EVI5: variants seen among roughly 807,000 people sequenced by gnomAD.
EVI5 encodes the protein ecotropic viral integration site 5, also known as ecotropic viral integration site 5 protein homolog.
A neutral mutation model predicts 112.0 loss-of-function variants in EVI5; 73 were observed. The ratio of observed to expected loss-of-function variants is 0.65; its 90% CI spans 0.54 to 0.79. The LOEUF (loss-of-function observed/expected upper bound fraction) is 0.79. Ranked by LOEUF, EVI5 falls within the 30% of genes least tolerant of loss-of-function variation. EVI5 has a pLI of 0.00. For synonymous variants in EVI5, 305 were observed against 319.9 expected, an observed-to-expected ratio of 0.95 and a Z score of 0.50; for missense variants, 900 against 968.8, an observed-to-expected ratio of 0.93 and a Z score of 0.94.
At chr1:92,769,624 G>A (rs772625767) in intron 1 of EVI5, among the ~76,000 whole-genome samples, 1 of 152,148 alleles carries the variant, frequency 6.6e-6, no homozygotes. Flanking sequence ...GGTGGCTCAC[G>A]CCTGTAATCC....
chr1:92,616,330 G>A (rs962862326), intron 16 of EVI5, among the ~76,000 whole-genome samples: 5 of 152,138 alleles, frequency 3.3e-5, no homozygotes, highest in South Asian at 2.1e-4. Context: ...GGTGGGAACC[G>A]CAGTTACTCA....
intron 2 of EVI5, among the ~76,000 whole-genome samples, chr1:92,706,367 A>T (rs12749786): frequency 0.2 from 30,421 of 152,144 alleles, 3,551 homozygotes; most frequent in Non-Finnish European, 0.26. Context: ...TTTCCACATG[A>T]TTCTAAACCC....
At chr1:92,758,903 G>A (rs979561561) in intron 1 of EVI5, among the ~76,000 whole-genome samples, 1 of 152,000 alleles carries the variant, frequency 6.6e-6, no homozygotes, top group African/African-American at 2.4e-5. Flanking sequence ...CTAGACAGCA[G>A]CCTAAAGAAG....
chr1:92,518,649 A>T (rs1660367017), intron 19 of EVI5, among the ~76,000 whole-genome samples: 2 of 70,594 alleles, frequency 2.8e-5, no homozygotes, highest in African/African-American at 1.5e-4. Flanking sequence ...GAGAGAAGGG[A>T]TGCTTTAAAA....
At chr1:92,539,505 T>C (rs181712800) in intron 19 of EVI5, among the ~76,000 whole-genome samples, 1 of 145,158 alleles carries the variant, frequency 6.9e-6, no homozygotes, top group Admixed American at 7.1e-5. Context: ...ATCATGCCAC[T>C]GTGCTGCAGC....
upstream of EVI5, among the ~76,000 whole-genome samples, chr1:92,786,662 C>G (rs1386445969): frequency 6.6e-6 from 1 of 152,194 alleles, no homozygotes. Context: ...TATCCCCTCT[C>G]TAATCTCAAC....
chr1:92,574,290 A>G (rs1670714299), intron 18 of EVI5, among the ~76,000 whole-genome samples: 1 of 152,180 alleles, frequency 6.6e-6, no homozygotes, highest in South Asian at 2.1e-4. Context: ...AGGAAAATAA[A>G]AAGTGAATAT....
At chr1:92,690,682 GA>G (rs2102441469) in intron 9 of EVI5, among the ~76,000 whole-genome samples, 1 of 152,220 alleles carries the variant, frequency 6.6e-6, no homozygotes, top group Admixed American at 6.5e-5. Flanking sequence ...ACTGAGCCAA[GA>G]GGTGGAAGGT....
chr1:92,620,161 A>T (rs1219488239), intron 16 of EVI5, among the ~76,000 whole-genome samples: 1 of 152,166 alleles, frequency 6.6e-6, no homozygotes, highest in Non-Finnish European at 1.5e-5. Context: ...CCTGACCAAC[A>T]TGGAGAAACC....
chr1:92,785,162 T>C (rs1362246583), upstream of EVI5: 1 of 963,172 alleles, frequency 1.0e-6, no homozygotes, highest in Non-Finnish European at 1.2e-6. Flanking sequence ...TACCGCAGAA[T>C]GGGTTGGAGC....
At chr1:92,742,782 T>C (rs1353947145) in intron 1 of EVI5, among the ~76,000 whole-genome samples, 1 of 152,092 alleles carries the variant, frequency 6.6e-6, no homozygotes, top group East Asian at 1.9e-4. Flanking sequence ...AAATAACAAG[T>C]GTTGACATTG....
intron 16 of EVI5, among the ~76,000 whole-genome samples, chr1:92,612,033 T>C (rs1571881878): frequency 6.6e-6 from 1 of 152,044 alleles, no homozygotes; most frequent in Admixed American, 6.5e-5. Flanking sequence ...ATCTAGTAGT[T>C]TGGAGGTATT....
At position 92,513,649 on chromosome 1, in the gene EVI5, G is replaced by T. The variant is rs1237614475; in HGVS notation, c.*7C>A. 6.3e-7 allele frequency: 1 copy of T among 1,583,870 alleles called. No homozygotes were observed. The highest frequency in any genetic ancestry group is 8.6e-7 in the Non-Finnish European group (1 of 1,162,446). ...AAATAAATCCATAGTCTAGGTCACA[G>T]TGATGGTCAGACAGTGGTTGAATAC... On this transcript the variant is annotated 3_prime_UTR_variant, in exon 20 of 20. Coordinates refer to ENST00000684568, the MANE Select transcript of EVI5 (RefSeq NM_001350197.2).
intron 10 of EVI5, among the ~76,000 whole-genome samples, chr1:92,667,452 T>C (rs1052163225): frequency 7.9e-5 from 12 of 152,134 alleles, no homozygotes; most frequent in African/African-American, 2.4e-4. Flanking sequence ...TAAAACCAGA[T>C]TTTTTTGAAA....
chr1:92,750,165 A>C (rs1558198969), intron 1 of EVI5, among the ~76,000 whole-genome samples: 1 of 152,208 alleles, frequency 6.6e-6, no homozygotes, highest in South Asian at 2.1e-4. Flanking sequence ...TCCAAGTGGA[A>C]CTTATAGAAA....
intron 19 of EVI5, among the ~76,000 whole-genome samples, chr1:92,524,310 A>G (rs957119549): frequency 6.6e-5 from 10 of 152,182 alleles, no homozygotes; most frequent in African/African-American, 2.4e-4. Flanking sequence ...ATATTAGACC[A>G]TGTTAAGAAA....
intron 13 of EVI5, among the ~76,000 whole-genome samples, chr1:92,654,313 A>G (rs1206928261): frequency 6.6e-6 from 1 of 152,194 alleles, no homozygotes. Context: ...ACAAGTGCAC[A>G]GTGCTGGGAA....
intron 2 of EVI5, among the ~76,000 whole-genome samples, chr1:92,710,723 G>A (rs1672711267): frequency 7.2e-6 from 1 of 139,308 alleles, no homozygotes; most frequent in Non-Finnish European, 1.5e-5. Flanking sequence ...ACTGAAACTG[G>A]CTACAGCCAC....
At chr1:92,772,314 T>C (rs1017760299) in intron 1 of EVI5, among the ~76,000 whole-genome samples, 1 of 151,422 alleles carries the variant, frequency 6.6e-6, no homozygotes, top group Non-Finnish European at 1.5e-5. Flanking sequence ...AAAAAGAAAC[T>C]GGCCAGGCGA....
Sources: gnomAD v4.1 joint callset for allele counts (sites outside exome capture counted in the v4.1 genomes callset) on GRCh38, gnomAD v4.1.1 for gene constraint, MANE v1.5 for transcripts, NCBI Gene and HGNC (gene_info 2026-07-23, HGNC 2026-07-21) for gene names.